ARID1B: variants seen among roughly 807,000 people sequenced by gnomAD.
ARID1B encodes AT-rich interaction domain 1B, also known as AT-rich interactive domain-containing protein 1B.
In ARID1B, 30 loss-of-function variants were observed where a neutral mutation model predicts 212.3. The observed-to-expected ratio is 0.14, with a 90% CI of 0.11 to 0.19. ARID1B has a LOEUF of 0.19. ARID1B is among the 10% of genes least tolerant of loss of function. The pLI is 1.00. For missense variants in ARID1B, 2,891 were observed against 3,204.0 expected, an observed-to-expected ratio of 0.90 and a Z score of 2.36; for synonymous variants, 1,402 against 1,301.7, an observed-to-expected ratio of 1.08 and a Z score of -1.66.
At chr6:156,898,146 G>A (rs961186688) in intron 2 of ARID1B, among the ~76,000 whole-genome samples, 6 of 152,130 alleles carry the variant, frequency 3.9e-5, no homozygotes, top group South Asian at 4.1e-4. Context: ...TATGTCTCCA[G>A]CTCCCAGCAA....
At chr6:156,998,131 G>A (rs1172687244) in intron 4 of ARID1B, among the ~76,000 whole-genome samples, 1 of 151,958 alleles carries the variant, frequency 6.6e-6, no homozygotes, top group Non-Finnish European at 1.5e-5. Flanking sequence ...CAACTCTGAA[G>A]ATGTTCGTGA....
intron 3 of ARID1B, among the ~76,000 whole-genome samples, chr6:156,911,874 C>G (rs1789919265): frequency 6.6e-6 from 1 of 152,032 alleles, no homozygotes; most frequent in East Asian, 1.9e-4. Flanking sequence ...AATGACCACA[C>G]AACAGTAATT....
At chr6:157,005,889 A>C (rs1422430862) in intron 4 of ARID1B, among the ~76,000 whole-genome samples, 1 of 152,190 alleles carries the variant, frequency 6.6e-6, no homozygotes, top group Non-Finnish European at 1.5e-5. Context: ...CTTTCCATTA[A>C]TAGCTTTTGA....
At chr6:157,144,418 A>G (rs1789579608) in intron 7 of ARID1B, among the ~76,000 whole-genome samples, 1 of 152,242 alleles carries the variant, frequency 6.6e-6, no homozygotes, top group African/African-American at 2.4e-5. Context: ...TGAGTCACTT[A>G]TCCAGTGTTA....
At chr6:157,180,909 T>A (rs926046126) in intron 11 of ARID1B, 60 bp from the exon 12 acceptor site, 1 of 1,459,278 alleles carries the variant, frequency 6.9e-7, no homozygotes, top group South Asian at 1.2e-5. Context: ...TTTTCTCACC[T>A]TCTTCCCTCT....
chr6:157,133,155 G>A lies in ARID1B; in HGVS notation c.2709G>A (p.Gln903=). Residue 903 remains glutamine (Q), a synonymous_variant, in exon 7 of 20, where the codon CAG becomes CAA. Coordinates refer to ENST00000636930, the MANE Select transcript of ARID1B (RefSeq NM_001374828.1). ...QMHAGISSFQ[Q]SNSSGTYGPQ... The stretch of plus-strand genomic sequence containing the variant: ...ATGCTGGAATCAGTAGCTTTCAGCA[G>A]AGTAACTCAAGTGGGACTTACGGTC... 1 of 1,614,118 alleles carries A rather than the reference G, an allele frequency of 6.2e-7. No homozygotes were observed. Among genetic ancestry groups the A allele is most frequent in the Non-Finnish European group, 8.5e-7 (1 of 1,180,012 alleles).
At chr6:156,864,469 C>G (rs1314253345) in intron 2 of ARID1B, among the ~76,000 whole-genome samples, 1 of 152,078 alleles carries the variant, frequency 6.6e-6, no homozygotes, top group African/African-American at 2.4e-5. Flanking sequence ...GTAATCTTTT[C>G]TTTTAGCCTA....
At chr6:156,963,489 A>G (rs542589520) in intron 4 of ARID1B, among the ~76,000 whole-genome samples, 1 of 152,342 alleles carries the variant, frequency 6.6e-6, no homozygotes, top group East Asian at 1.9e-4. Flanking sequence ...ATTTTAAATG[A>G]TTGCATAGTA....
intron 3 of ARID1B, among the ~76,000 whole-genome samples, chr6:156,915,272 C>T (rs1790254347): frequency 6.6e-6 from 1 of 152,086 alleles, no homozygotes; most frequent in South Asian, 2.1e-4. Flanking sequence ...GGCAAAAGAA[C>T]AGGCACATTT....
At chr6:157,191,288 C>T (rs1180946807) in intron 15 of ARID1B, among the ~76,000 whole-genome samples, 1 of 150,228 alleles carries the variant, frequency 6.7e-6, no homozygotes, top group East Asian at 2.0e-4. Flanking sequence ...GGAGTGAACG[C>T]GGGCCCTGAG....
intron 5 of ARID1B, among the ~76,000 whole-genome samples, chr6:157,086,527 G>A (rs985343992): frequency 1.3e-5 from 2 of 152,130 alleles, no homozygotes; most frequent in Non-Finnish European, 2.9e-5. Flanking sequence ...GAGTCAAAAG[G>A]ACTTTTTCTA....
At position 157,200,387 on chromosome 6, in the gene ARID1B, C is replaced by T. The variant is rs556147987; in HGVS notation, c.4480-318C>T. Among the ~76,000 whole-genome samples, 1 of 151,898 alleles carries T rather than the reference C, an allele frequency of 6.6e-6. No individual in the cohort carries two copies. The highest frequency in any genetic ancestry group is 1.5e-5 in the Non-Finnish European group (1 of 67,968). The stretch of plus-strand genomic sequence containing the variant: ...TGTGGTCCTAGTGCAGCTCCCAGCC[C>T]GGGAGCCGTCTGCCTGTGTGGGAGT... On this transcript the variant is annotated intron_variant, in intron 17 of 19. Coordinates refer to ENST00000636930, the MANE Select transcript of ARID1B (RefSeq NM_001374828.1). This position sits in a 1 kb window ranked among gnomAD's most constrained non-coding sequence, Gnocchi z 4.3.
In ARID1B at chr6:156,777,384, T is replaced by C. The variant is rs1174986018; in HGVS notation, c.-297T>C. 6.6e-6 allele frequency: 1 copy of C among 151,398 alleles called. No homozygotes were observed. Among genetic ancestry groups the C allele is most frequent in the Non-Finnish European group, 1.5e-5 (1 of 67,824 alleles). The allele number at this position is 151,398 out of a possible 1,614,324, so 9.4% of individuals were successfully genotyped here. On this transcript the variant is annotated 5_prime_UTR_variant, in exon 1 of 20. An upstream start codon of the reference 5' UTR is lost. Transcript: ENST00000636930. The stretch of plus-strand genomic sequence containing the variant: ...AGCTCGCCCGCTGCCTCTCAAGCCA[T>C]GCTGGGCCCGATAGGCTCAGCTAGT...
rs151115781 is a variant in ARID1B, at chr6:157,198,887, G to A, written c.4459G>A (p.Gly1487Ser). ...GQPPYGGHQP[G>S]LYPQQPNYKR... ...GCCGCCGTATGGAGGGCACCAGCCC[G>A]GCCTGTACCCACAGCAGCCGGTGAG... Residue 1487 changes from glycine (G) to serine (S), a missense_variant, in exon 17 of 20, where the codon GGC becomes AGC. Coordinates refer to ENST00000636930, the MANE Select transcript of ARID1B (RefSeq NM_001374828.1). 33 of 1,606,078 alleles carry A rather than the reference G, an allele frequency of 2.1e-5. No individual in the cohort carries two copies. The highest frequency in any genetic ancestry group is 1.3e-4 in the Admixed American group (8 of 59,454).
chr6:157,101,783 A>C (rs1285646050), intron 5 of ARID1B, among the ~76,000 whole-genome samples: 1 of 152,188 alleles, frequency 6.6e-6, no homozygotes, highest in African/African-American at 2.4e-5. Context: ...CAGCTAACGT[A>C]GGAAAATTGG....
At chr6:157,053,551 A>G (rs992486438) in intron 4 of ARID1B, among the ~76,000 whole-genome samples, 2 of 152,216 alleles carry the variant, frequency 1.3e-5, no homozygotes, top group African/African-American at 2.4e-5. Context: ...TCAGCTTCCT[A>G]CTAGGCAATT....
chr6:156,795,816 C>G (rs750043402), intron 1 of ARID1B, among the ~76,000 whole-genome samples: 1 of 152,118 alleles, frequency 6.6e-6, no homozygotes, highest in Non-Finnish European at 1.5e-5. Flanking sequence ...GGAAGTTTCT[C>G]TTTATGTCCC....
chr6:157,188,298 A>G (rs1375085529), intron 13 of ARID1B, among the ~76,000 whole-genome samples: 1 of 152,192 alleles, frequency 6.6e-6, no homozygotes, highest in Non-Finnish European at 1.5e-5. Context: ...CAGGGCTCAC[A>G]GGGACGGATG....
rs1354114691 is a variant in ARID1B at position 157,208,313 on chromosome 6, T to A, written c.*422T>A. ...ACACTGAGTCAAAAAGGTGAAAAATTATCCATTTCCTATGCGTTTTACTCC... is the reference window on the plus strand; with the variant it reads ...ACACTGAGTCAAAAAGGTGAAAAATAATCCATTTCCTATGCGTTTTACTCC... On this transcript the variant is annotated 3_prime_UTR_variant, in exon 20 of 20. Coordinates refer to ENST00000636930, the MANE Select transcript of ARID1B (RefSeq NM_001374828.1). 2 of 235,080 alleles carry A rather than the reference T, an allele frequency of 8.5e-6. No homozygotes were observed. The highest frequency in any genetic ancestry group is 1.1e-4 in the Admixed American group (2 of 17,818). 14.6% of individuals were successfully genotyped at this position (235,080 alleles called of 1,614,324 possible). A position where few individuals can be genotyped will look rare whatever the true frequency, so the allele number is the denominator to read the frequency against.
Sources: allele counts gnomAD v4.1 joint callset (sites outside exome capture counted in the v4.1 genomes callset), GRCh38; gene constraint gnomAD v4.1.1; non-coding constraint Gnocchi (gnomAD v3.1); transcripts MANE v1.5; gene names NCBI Gene and HGNC (gene_info 2026-07-23, HGNC 2026-07-21).